The following EXOC6B variants were observed in gnomAD, a reference collection of about 807,000 sequenced individuals.
EXOC6B encodes the protein exocyst complex component 6B.
A neutral mutation model predicts 113.5 loss-of-function variants in EXOC6B; 54 were observed. That is an observed-to-expected ratio of 0.48 (90% CI 0.38 to 0.60). EXOC6B has a LOEUF of 0.60. EXOC6B is among the 20% of genes least tolerant of loss of function. The probability of loss-of-function intolerance (pLI) is 0.00; values close to 1 mark genes in which losing one functional copy is unlikely to be tolerated. For synonymous variants in EXOC6B, 357 were observed against 339.0 expected (o/e 1.05, Z -0.58); for missense variants, 797 against 977.5 (o/e 0.82, Z 2.46).
rs1159766464 is a variant in EXOC6B at position 72,561,344 on chromosome 2, T to A, written c.847-1823A>T. Among the ~76,000 whole-genome samples the A allele has an allele frequency of 2.6e-5, 4 of 152,094 alleles. No individual in the cohort carries two copies. The East Asian group carries it at 5.8e-4, about 22-fold the overall frequency. ...TTTGATCTGTATAGGAAATGACACG[T>A]TTTTCTTTTATTTAGAATTAATGAT... On this transcript the variant is annotated intron_variant, in intron 7 of 21. Coordinates refer to ENST00000272427, the MANE Select transcript of EXOC6B (RefSeq NM_015189.3).
intron 18 of EXOC6B, among the ~76,000 whole-genome samples, chr2:72,449,411 T>C (rs960284791): frequency 2.6e-5 from 4 of 151,938 alleles, no homozygotes; most frequent in Admixed American, 1.3e-4. Flanking sequence ...GACCTCGTGA[T>C]ACACCCGCCT....
chr2:72,752,560 T>TCA (rs1409142631), intron 1 of EXOC6B, among the ~76,000 whole-genome samples: 1 of 150,838 alleles, frequency 6.6e-6, no homozygotes, highest in Non-Finnish European at 1.5e-5. Flanking sequence ...TCTCTCTCTC[T>TCA]CTCTCTCTCT....
intron 6 of EXOC6B, 138 bp from the exon 7 acceptor site, chr2:72,575,806 G>A (rs1014940202): frequency 9.9e-6 from 7 of 708,740 alleles, no homozygotes; most frequent in Admixed American, 3.9e-5. Flanking sequence ...ATATCTTAAC[G>A]AAAATACTAC....
At chr2:72,667,086 T>G (rs1166633361) in intron 6 of EXOC6B, among the ~76,000 whole-genome samples, 1 of 152,046 alleles carries the variant, frequency 6.6e-6, no homozygotes, top group Non-Finnish European at 1.5e-5. Flanking sequence ...GATGGTAACT[T>G]TCTCCTGACC....
chr2:72,293,110 A>G (rs1202555611), intron 20 of EXOC6B, among the ~76,000 whole-genome samples: 1 of 152,122 alleles, frequency 6.6e-6, no homozygotes, highest in African/African-American at 2.4e-5. Flanking sequence ...GAAACTGCCA[A>G]TCTATTTTCC....
At chr2:72,765,074 G>A (rs1682978589) in intron 1 of EXOC6B, among the ~76,000 whole-genome samples, 1 of 117,508 alleles carries the variant, frequency 8.5e-6, no homozygotes, top group South Asian at 3.5e-4. Context: ...GCAACATGGT[G>A]AGACCCCATC....
chr2:72,384,436 C>CT (rs958981528), intron 18 of EXOC6B, among the ~76,000 whole-genome samples: 8 of 151,224 alleles, frequency 5.3e-5, no homozygotes, highest in South Asian at 2.1e-4. Flanking sequence ...AAGCTGAAAT[C>CT]TTTTTTTTTA....
In EXOC6B at chr2:72,401,665, ATG is replaced by A. The variant is rs565880377; in HGVS notation, c.1981-21797_1981-21796del. On this transcript the variant is annotated intron_variant, in intron 18 of 21. Coordinates refer to ENST00000272427, the MANE Select transcript of EXOC6B (RefSeq NM_015189.3). ...TATATACATATATATATATATATAT[ATG>A]TATATATATATATATATATGAAAAA... 2.2e-3 allele frequency among the ~76,000 whole-genome samples: 150 copies of A among 67,696 alleles called. 26 individuals carry two copies. The highest frequency in any genetic ancestry group is 0.015 in the African/African-American group (137 of 9,172). 44.4% of individuals were successfully genotyped at this position (67,696 alleles called of 152,430 possible).
At position 72,573,600 on chromosome 2, in the gene EXOC6B, T is replaced by G. The variant is rs148450658; in HGVS notation, c.846+1892A>C. On this transcript the variant is annotated intron_variant, in intron 7 of 21. Coordinates refer to ENST00000272427, the MANE Select transcript of EXOC6B (RefSeq NM_015189.3). The stretch of plus-strand genomic sequence containing the variant: ...TTTAAAGTGGCCCAATAGATAACAC[T>G]CAAAAGACTTTTCTTAGCTCTATTA... 3.4e-4 allele frequency among the ~76,000 whole-genome samples: 52 copies of G among 152,288 alleles called. No homozygotes were observed. The East Asian group carries it at 9.8e-3, about 29-fold the overall frequency.
chr2:72,458,687 A>T lies in EXOC6B; in HGVS notation c.1980+6473T>A, dbSNP rs146652330. On this transcript the variant is annotated intron_variant, in intron 18 of 21. Transcript: ENST00000272427. ...TAGAATAAACAAAAGAGGGGGAAAT[A>T]AACCTCAATTAGTTATTTACAGTAC... Among the ~76,000 whole-genome samples, 4 of 152,246 alleles carry T rather than the reference A, an allele frequency of 2.6e-5. No individual in the cohort carries two copies. The East Asian group carries it at 7.7e-4, about 29-fold the overall frequency.
chr2:72,365,425 T>C (rs1053080811), intron 19 of EXOC6B, among the ~76,000 whole-genome samples: 1 of 152,146 alleles, frequency 6.6e-6, no homozygotes, highest in Non-Finnish European at 1.5e-5. Context: ...TGCAGAATTA[T>C]GATCCCACAG....
chr2:72,561,627 A>T (rs1377957572), intron 7 of EXOC6B, among the ~76,000 whole-genome samples: 1 of 152,116 alleles, frequency 6.6e-6, no homozygotes, highest in Non-Finnish European at 1.5e-5. Flanking sequence ...TTCCCTAGAA[A>T]TCTGTGATAA....
intron 6 of EXOC6B, among the ~76,000 whole-genome samples, chr2:72,640,314 A>C (rs1673135731): frequency 1.3e-5 from 2 of 152,216 alleles, no homozygotes; most frequent in Non-Finnish European, 2.9e-5. Flanking sequence ...ACAAGAATAG[A>C]GAAAAAAGAA....
chr2:72,768,646 G>T, intron 1 of EXOC6B, among the ~76,000 whole-genome samples: 3 of 147,648 alleles, frequency 2.0e-5, no homozygotes. Flanking sequence ...ACATCTAACT[G>T]ATATTATGAA....
chr2:72,566,897 T>A (rs1446889), intron 7 of EXOC6B, among the ~76,000 whole-genome samples: 126,908 of 151,928 alleles, frequency 0.84, 53,862 homozygotes, highest in East Asian at 0.99. Context: ...TCAAAATATA[T>A]TTCAAATAAA....
At chr2:72,776,498 T>TC (rs1175506980) in intron 1 of EXOC6B, among the ~76,000 whole-genome samples, 2 of 151,896 alleles carry the variant, frequency 1.3e-5, no homozygotes, top group Non-Finnish European at 1.5e-5. Flanking sequence ...ACACCTGTAG[T>TC]CCCAGCTACT....
intron 18 of EXOC6B, chr2:72,462,592 C>A (rs1697764138): frequency 6.6e-6 from 1 of 151,836 alleles, no homozygotes; most frequent in Non-Finnish European, 1.5e-5. Flanking sequence ...GCCTTCTCTG[C>A]CACGTAAGGA....
At chr2:72,409,732 G>A (rs1399669434) in intron 18 of EXOC6B, among the ~76,000 whole-genome samples, 2 of 149,542 alleles carry the variant, frequency 1.3e-5, no homozygotes, top group South Asian at 2.2e-4. Flanking sequence ...TAGGGGGAGG[G>A]GGGAGGGATA....
rs139567695 is a variant in EXOC6B at position 72,402,021 on chromosome 2, T to C, written c.1981-22151A>G. Reference sequence around the variant, plus strand: ...TTTTTTAGACAAAAAAATGGCCTCATAGAATGAGTTAGGAAGCATTTCCTC... The same window carrying C: ...TTTTTTAGACAAAAAAATGGCCTCACAGAATGAGTTAGGAAGCATTTCCTC... On this transcript the variant is annotated intron_variant, in intron 18 of 21. Coordinates refer to ENST00000272427, the MANE Select transcript of EXOC6B (RefSeq NM_015189.3). Among the ~76,000 whole-genome samples the C allele has an allele frequency of 4.9e-3, 745 of 151,940 alleles. 10 individuals carry two copies. The highest frequency in any genetic ancestry group is 0.017 in the African/African-American group (689 of 41,504).
Sources: allele counts gnomAD v4.1 joint callset (sites outside exome capture counted in the v4.1 genomes callset), GRCh38; gene constraint gnomAD v4.1.1; transcripts MANE v1.5; gene names NCBI Gene and HGNC (gene_info 2026-07-23, HGNC 2026-07-21).